TMC5: variants seen among roughly 807,000 people sequenced by gnomAD.
TMC5 encodes transmembrane channel like 5.
In TMC5, 86 loss-of-function variants were observed where a neutral mutation model predicts 110.5. That is an observed-to-expected ratio of 0.78 (90% CI 0.65 to 0.93). The LOEUF is 0.93. TMC5 is among the 40% of genes least tolerant of loss of function. The probability of loss-of-function intolerance (pLI) is 0.00; values close to 1 mark genes in which losing one functional copy is unlikely to be tolerated. For missense variants in TMC5, 1,144 were observed against 1,222.8 expected, an observed-to-expected ratio of 0.94 and a Z score of 0.96; for synonymous variants, 455 against 439.5, an observed-to-expected ratio of 1.04 and a Z score of -0.44.
intron 5 of TMC5, among the ~76,000 whole-genome samples, chr16:19,453,042 A>G (rs1343387473): frequency 6.6e-6 from 1 of 150,730 alleles, no homozygotes. Context: ...GAACCCTGGT[A>G]GAAGAGGAGT....
chr16:19,456,043 T>TAA (rs1463110118), intron 5 of TMC5, among the ~76,000 whole-genome samples: 1 of 151,584 alleles, frequency 6.6e-6, no homozygotes. Flanking sequence ...CCGTCTCTAC[T>TAA]AAAAATACAA....
In TMC5 at chr16:19,474,165, T is replaced by G. The variant is rs914684230; in HGVS notation, c.1979T>G (p.Leu660Arg). 1.9e-6 allele frequency: 3 copies of G among 1,614,084 alleles called. No homozygotes were observed. The highest frequency in any genetic ancestry group is 2.5e-6 in the Non-Finnish European group (3 of 1,180,024). Residue 660 changes from leucine (L) to arginine (R), a missense_variant, in exon 12 of 22, where the codon CTG becomes CGG. Leu to Arg is a moderately radical substitution (Grantham distance 102). Coordinates refer to ENST00000542583, the MANE Select transcript of TMC5 (RefSeq NM_001261841.2). ...AGTAACCCTGGGGCGGTGCTGTTAC[T>G]GCCTTTCGTTGTGTCCTGCATTAAT... ...THSNPGAVLL[L>R]PFVVSCINLA...
At chr16:19,463,207 A>G (rs1968072781) in intron 6 of TMC5, 73 bp from the exon 7 acceptor site, 5 of 1,166,062 alleles carry the variant, frequency 4.3e-6, no homozygotes, top group Non-Finnish European at 6.4e-6. Flanking sequence ...GGCATGAGCC[A>G]CCATGTAACT....
chr16:19,443,964 G>A (rs1465080536), intron 3 of TMC5, 117 bp from the exon 4 acceptor site: 3 of 1,084,640 alleles, frequency 2.8e-6, no homozygotes, highest in East Asian at 4.8e-5. Flanking sequence ...TGGATAAATG[G>A]ATGGATAAAT....
At position 19,440,302 on chromosome 16, in the gene TMC5, C is replaced by T; in HGVS notation, c.264C>T (p.Ser88=). The T allele has an allele frequency of 6.2e-7, 1 of 1,614,154 alleles. No homozygotes were observed. Among genetic ancestry groups the T allele is most frequent in the South Asian group, 1.1e-5 (1 of 91,076 alleles). ...ATCCAGACTATTCTGGCACCAGAAG[C>T]AATGCATACTCTGCAGCCTCTAGAA... ...LSNPDYSGTR[S]NAYSAASRTS... is the part of the protein sequence containing the mutation. Residue 88 remains serine (S), a synonymous_variant, in exon 3 of 22, where the codon AGC becomes AGT. Transcript: ENST00000542583.
Position 19,469,745 on chromosome 16 carries a change from C to G in TMC5, c.1702C>G (p.Leu568Val), listed in dbSNP as rs1968281093. 6.2e-7 allele frequency: 1 copy of G among 1,614,148 alleles called. No individual in the cohort carries two copies. The highest frequency in any genetic ancestry group is 2.2e-5 in the East Asian group (1 of 44,876). ...CATTTACTCCGGAGGGATCACCAAG[C>G]TGATCTTTTGCTGGGACTTCACTGT... ...PHIYSGGITKLIFCWDFTVTH... is the reference protein window; with the variant it reads ...PHIYSGGITKVIFCWDFTVTH... The change falls in exon 10 of 22, where the codon CTG (leucine) becomes GTG (valine). Residue 568 changes from leucine (L) to valine (V), a missense_variant. By Grantham distance (32) the Leu-to-Val change is conservative. Coordinates refer to ENST00000542583, the MANE Select transcript of TMC5 (RefSeq NM_001261841.2).
At chr16:19,459,193 G>A (rs1836564741) in intron 5 of TMC5, among the ~76,000 whole-genome samples, 1 of 152,070 alleles carries the variant, frequency 6.6e-6, no homozygotes, top group South Asian at 2.1e-4. Context: ...GGTTCACTCA[G>A]ACTAAAACTT....
rs1354159904 is a variant in TMC5, at chr16:19,494,382, G to A, written c.2931+16G>A. 2.5e-6 allele frequency: 4 copies of A among 1,602,300 alleles called. No homozygotes were observed. Among genetic ancestry groups the A allele is most frequent in the Non-Finnish European group, 3.4e-6 (4 of 1,171,796 alleles). ...AGAGGTGGAGGTGAGTCTGGAGGCT[G>A]CCTTGGGGACCCCTGGGACACGAGC... is the stretch of plus-strand genomic sequence containing the variant. On this transcript the variant is annotated intron_variant, in intron 20 of 21. Transcript: ENST00000542583.
intron 2 of TMC5, among the ~76,000 whole-genome samples, chr16:19,432,788 G>T (rs1334771373): frequency 6.6e-6 from 1 of 152,192 alleles, no homozygotes; most frequent in African/African-American, 2.4e-5. Context: ...GAAGCTAATT[G>T]TTGGCTGATC....
In TMC5 at chr16:19,440,378, CAG is replaced by C. The variant is rs780180307; in HGVS notation, c.343_344del (p.His116SerfsTer20). On this transcript the variant is annotated frameshift_variant, in exon 3 of 22. Coordinates refer to ENST00000542583, the MANE Select transcript of TMC5 (RefSeq NM_001261841.2). LOFTEE classifies it high-confidence loss of function. ...SLPEPDYSEFQSHPYHRASSR... is the reference protein window; with the variant it reads ...SLPEPDYSEFXSHPYHRASSR... ...ACCAGAGCCAGATTATAGTGAATTT[CAG>C]AGTCATCCCTACCACCGAGCATCAT... The C allele has an allele frequency of 6.2e-7, 1 of 1,614,072 alleles. No individual in the cohort carries two copies. Among genetic ancestry groups the C allele is most frequent in the Non-Finnish European group, 8.5e-7 (1 of 1,180,026 alleles).
chr16:19,424,908 G>A (rs1451861965), intron 1 of TMC5, among the ~76,000 whole-genome samples: 1 of 152,184 alleles, frequency 6.6e-6, no homozygotes, highest in Non-Finnish European at 1.5e-5. Flanking sequence ...GCCGAAAGTT[G>A]CAAGCTTCTA....
chr16:19,418,662 C>A (rs979870130), intron 1 of TMC5, among the ~76,000 whole-genome samples: 1 of 150,668 alleles, frequency 6.6e-6, no homozygotes, highest in Admixed American at 6.6e-5. Context: ...TCTCATTTTT[C>A]TCATTCTTCT....
intron 5 of TMC5, among the ~76,000 whole-genome samples, chr16:19,450,028 C>A (rs766486843): frequency 6.6e-6 from 1 of 152,164 alleles, no homozygotes; most frequent in East Asian, 1.9e-4. Context: ...GGACAGTGAC[C>A]AAAAAGTCAA....
intron 14 of TMC5, among the ~76,000 whole-genome samples, chr16:19,480,126 T>G (rs962139286): frequency 5.9e-5 from 9 of 152,210 alleles, no homozygotes; most frequent in Admixed American, 5.9e-4. Context: ...GGAGTCACAC[T>G]GCAACATATT....
intron 9 of TMC5, 110 bp downstream of exon 9, chr16:19,466,343 T>C: frequency 9.1e-7 from 1 of 1,093,588 alleles, no homozygotes; most frequent in Non-Finnish European, 1.3e-6. Flanking sequence ...TCCTCTCCTC[T>C]CCTCTCCTCT....
At position 19,492,205 on chromosome 16, in the gene TMC5, C is replaced by T; in HGVS notation, c.2803C>T (p.Leu935=). 6.2e-7 allele frequency: 1 copy of T among 1,613,588 alleles called. No homozygotes were observed. Among genetic ancestry groups the T allele is most frequent in the Non-Finnish European group, 8.5e-7 (1 of 1,179,570 alleles). The change falls in exon 19 of 22, where the codon CTG becomes TTG. Residue 935 remains leucine, a synonymous_variant. Transcript: ENST00000542583. ...AGAGGGAAGGAAGATTATGATAAGG[C>T]TGCTCCATGAGCAGATCATTAATGT... The part of the protein sequence containing the change: ...ITEGRKIMIR[L]LHEQIINEGK...
intron 3 of TMC5, among the ~76,000 whole-genome samples, chr16:19,443,097 C>CCTTGACCTTATACTCTAGGTCAGTGGTT (rs1967527487): frequency 6.6e-6 from 1 of 152,204 alleles, no homozygotes; most frequent in Non-Finnish European, 1.5e-5. Flanking sequence ...CTGCCCCCTG[C>CCTTGACCTTATACTCTAGGTCAGTGGTT]CTTGACCTTA....
chr16:19,449,418 C>A, intron 4 of TMC5, 124 bp from the exon 5 acceptor site: 1 of 790,468 alleles, frequency 1.3e-6, no homozygotes, highest in Non-Finnish European at 2.2e-6. Flanking sequence ...GTTAGAACCT[C>A]AAAGACCAGG....
intron 8 of TMC5, among the ~76,000 whole-genome samples, chr16:19,465,215 C>T (rs1030234464): frequency 7.3e-5 from 11 of 151,702 alleles, no homozygotes; most frequent in South Asian, 2.1e-4. Context: ...ATTCTGTGTC[C>T]GCCCCCGCCT....
Sources: allele counts gnomAD v4.1 joint callset (sites outside exome capture counted in the v4.1 genomes callset), GRCh38; gene constraint gnomAD v4.1.1; transcripts MANE v1.5; gene names NCBI Gene and HGNC (gene_info 2026-07-23, HGNC 2026-07-21).